ACOXL: variants seen among roughly 807,000 people sequenced by gnomAD.
The protein encoded by ACOXL is acyl-coenzyme A oxidase-like protein.
A neutral mutation model predicts 71.9 loss-of-function variants in ACOXL; 70 were observed. That is an observed-to-expected ratio of 0.97 (90% CI 0.80 to 1.19). ACOXL has a LOEUF of 1.19. Ranked by LOEUF, ACOXL falls within the 50% of genes most tolerant of loss-of-function variation. The probability of loss-of-function intolerance (pLI) is 0.00; values close to 1 mark genes in which losing one functional copy is unlikely to be tolerated. For synonymous variants in ACOXL, 253 were observed against 281.6 expected (o/e 0.90, Z 1.02); for missense variants, 703 against 736.3 (o/e 0.95, Z 0.52).
At chr2:110,833,505 C>T (rs1573743775) in intron 9 of ACOXL, among the ~76,000 whole-genome samples, 1 of 152,134 alleles carries the variant, frequency 6.6e-6, no homozygotes, top group African/African-American at 2.4e-5. Context: ...TGGCTTGACT[C>T]TATCAGGGGA....
At chr2:111,095,958 G>T (rs1186640047) in intron 17 of ACOXL, among the ~76,000 whole-genome samples, 1 of 152,184 alleles carries the variant, frequency 6.6e-6, no homozygotes, top group Non-Finnish European at 1.5e-5. Context: ...CCTCTTTGCA[G>T]GGATCTCAAG....
chr2:110,842,524 A>C (rs972642870), intron 10 of ACOXL, among the ~76,000 whole-genome samples: 1 of 152,214 alleles, frequency 6.6e-6, no homozygotes, highest in Non-Finnish European at 1.5e-5. Context: ...TAAAGACCCA[A>C]AGTAACAGAG....
intron 5 of ACOXL, among the ~76,000 whole-genome samples, chr2:110,794,708 A>G (rs910950410): frequency 6.6e-6 from 1 of 152,090 alleles, no homozygotes; most frequent in African/African-American, 2.4e-5. Flanking sequence ...TGACTCTTCT[A>G]CCTTTACTCT....
At chr2:110,968,778 C>CAAA (rs35801632) in intron 12 of ACOXL, 4,026 of 216,336 alleles carry the variant, frequency 0.019, 37 homozygotes, top group East Asian at 0.08. Context: ...TTATGGACAG[C>CAAA]AAAAAAAAAA....
intron 14 of ACOXL, among the ~76,000 whole-genome samples, chr2:111,017,684 G>A (rs892570109): frequency 6.6e-6 from 1 of 152,168 alleles, no homozygotes. Context: ...TGCCAGCTTC[G>A]TGGCTTAGCG....
intron 12 of ACOXL, among the ~76,000 whole-genome samples, chr2:110,954,991 TG>T (rs1202887676): frequency 6.6e-6 from 1 of 152,200 alleles, no homozygotes; most frequent in Non-Finnish European, 1.5e-5. Context: ...TAATTTTTCA[TG>T]GCAATCTGTT....
At chr2:110,919,356 TGAG>T (rs2059980464) in intron 11 of ACOXL, among the ~76,000 whole-genome samples, 1 of 128,878 alleles carries the variant, frequency 7.8e-6, no homozygotes, top group Non-Finnish European at 1.5e-5. Flanking sequence ...AGCTGAACAA[TGAG>T]AACACATGGA....
intron 10 of ACOXL, among the ~76,000 whole-genome samples, chr2:110,898,764 A>C (rs2059115887): frequency 1.3e-5 from 2 of 152,216 alleles, no homozygotes. Context: ...AAAGGAAATG[A>C]AAAGCATATA....
intron 1 of ACOXL, among the ~76,000 whole-genome samples, chr2:110,761,605 A>G (rs528006972): frequency 4.5e-4 from 68 of 152,310 alleles, no homozygotes; most frequent in African/African-American, 1.6e-3. Context: ...TATGTGCTCT[A>G]AAGGCCTCCT....
chr2:110,917,413 A>G, intron 11 of ACOXL, among the ~76,000 whole-genome samples: 1 of 152,206 alleles, frequency 6.6e-6, no homozygotes, highest in African/African-American at 2.4e-5. Context: ...TCAAAAGAAT[A>G]AGGGCTATCT....
chr2:111,086,379 T>C (rs983657200), intron 16 of ACOXL, among the ~76,000 whole-genome samples: 23 of 152,210 alleles, frequency 1.5e-4, no homozygotes, highest in African/African-American at 5.5e-4. Flanking sequence ...TCAAGTAGTT[T>C]TTATCCTTGG....
intron 10 of ACOXL, among the ~76,000 whole-genome samples, chr2:110,886,225 A>G (rs993290264): frequency 6.6e-6 from 1 of 152,084 alleles, no homozygotes; most frequent in Non-Finnish European, 1.5e-5. Context: ...TTTTCATGTC[A>G]ATTTTTAAAC....
chr2:110,789,211 A>T (rs1684367850), intron 3 of ACOXL, among the ~76,000 whole-genome samples: 1 of 152,150 alleles, frequency 6.6e-6, no homozygotes, highest in Non-Finnish European at 1.5e-5. Context: ...GATTGTCTTT[A>T]TTGGTGCTTT....
intron 12 of ACOXL, among the ~76,000 whole-genome samples, chr2:110,954,840 G>A (rs1466131987): frequency 6.6e-6 from 1 of 152,002 alleles, no homozygotes; most frequent in Admixed American, 6.6e-5. Context: ...GTTTTTGTCT[G>A]AATCTGTCTG....
intron 1 of ACOXL, among the ~76,000 whole-genome samples, chr2:110,743,514 G>A (rs1202042129): frequency 6.6e-6 from 1 of 152,086 alleles, no homozygotes; most frequent in Non-Finnish European, 1.5e-5. Context: ...CATGAAATAA[G>A]GGTGCAAGGG....
chr2:111,035,120 C>T (rs555780341), intron 15 of ACOXL, among the ~76,000 whole-genome samples: 1 of 152,228 alleles, frequency 6.6e-6, no homozygotes, highest in African/African-American at 2.4e-5. Flanking sequence ...CCCACCTCGG[C>T]CTCCCAAAGT....
intron 11 of ACOXL, among the ~76,000 whole-genome samples, chr2:110,923,356 G>A (rs1322287158): frequency 2.0e-5 from 3 of 151,598 alleles, no homozygotes; most frequent in Non-Finnish European, 4.4e-5. Context: ...CATCTTGGTC[G>A]TAGGGCCCAT....
chr2:110,822,733 T>G (rs1688762108), intron 9 of ACOXL, among the ~76,000 whole-genome samples: 1 of 152,202 alleles, frequency 6.6e-6, no homozygotes, highest in East Asian at 1.9e-4. Context: ...TTGACAAATG[T>G]GTAGTTTCGT....
chr2:110,857,503 T>G (rs1414494517), intron 10 of ACOXL, among the ~76,000 whole-genome samples: 2 of 152,118 alleles, frequency 1.3e-5, no homozygotes, highest in Non-Finnish European at 2.9e-5. Flanking sequence ...GGAAGAGGGT[T>G]TGGGCCAACA....
Sources: allele counts gnomAD v4.1 joint callset (sites outside exome capture counted in the v4.1 genomes callset), GRCh38; gene constraint gnomAD v4.1.1; transcripts MANE v1.5; gene names NCBI Gene and HGNC (gene_info 2026-07-23, HGNC 2026-07-21).